CYRIB: variants seen among roughly 807,000 people sequenced by gnomAD.
The protein encoded by CYRIB is CYFIP-related Rac1 interactor B.
Under a neutral mutation model 44.2 loss-of-function variants are expected in CYRIB, and 8 were observed. That is an observed-to-expected ratio of 0.18 (90% CI 0.11 to 0.33). The LOEUF (loss-of-function observed/expected upper bound fraction) is 0.33. Among genes scored for constraint, CYRIB ranks in the 10% least tolerant of loss-of-function variants. The pLI, the probability that CYRIB is intolerant of heterozygous loss-of-function variation, is 1.00. For synonymous variants in CYRIB, 131 were observed against 127.2 expected (o/e 1.03, Z -0.20); for missense variants, 185 against 382.8 (o/e 0.48, Z 4.31).
chr8:129,846,781 T>C, intron 11 of CYRIB, 23 bp downstream of exon 13: 1 of 1,542,916 alleles, frequency 6.5e-7, no homozygotes, highest in East Asian at 2.3e-5. Context: ...TTTCTGTACA[T>C]ACGTACACGT....
chr8:129,931,684 T>C (rs1177064991), intron 1 of CYRIB, among the ~76,000 whole-genome samples: 2 of 152,174 alleles, frequency 1.3e-5, no homozygotes, highest in Non-Finnish European at 2.9e-5. Context: ...TAGAATGCAG[T>C]GGCATGATCT....
chr8:129,931,816 G>A (rs1359460019), intron 1 of CYRIB, among the ~76,000 whole-genome samples: 4 of 151,584 alleles, frequency 2.6e-5, no homozygotes, highest in East Asian at 3.9e-4. Context: ...AAGTAGAGAC[G>A]AGGTTTCACC....
chr8:129,994,395 C>T (rs886801888), intron 1 of CYRIB, among the ~76,000 whole-genome samples: 44 of 152,344 alleles, frequency 2.9e-4, no homozygotes, highest in Admixed American at 1.2e-3. Context: ...GTTGAGTCCC[C>T]AGTTTGTGAG....
Position 129,840,479 on chromosome 8 carries a change from T to A in CYRIB, c.*1663A>T, listed in dbSNP as rs551884458. The A allele has an allele frequency of 1.7e-4, 26 of 152,388 alleles. 1 individual carries two copies. Among genetic ancestry groups the A allele is most frequent in the African/African-American group, 5.8e-4 (24 of 41,576 alleles). The allele number at this position is 152,388 out of a possible 1,614,324, so 9.4% of individuals were successfully genotyped here. On this transcript the variant is annotated 3_prime_UTR_variant, in exon 12 of 12. Coordinates refer to ENST00000519824, the Ensembl canonical transcript of CYRIB. ...TTCATCTGCAAAAACTTTTTCCAAA[T>A]AATGTCACACGTGGAGATTCCCAGT...
At chr8:129,998,862 C>T (rs530996432) in intron 1 of CYRIB, among the ~76,000 whole-genome samples, 1 of 152,258 alleles carries the variant, frequency 6.6e-6, no homozygotes, top group Non-Finnish European at 1.5e-5. Context: ...GAACTCCTGA[C>T]CTCAAGTGAA....
chr8:129,908,591 T>C (rs1328741928), intron 1 of CYRIB, among the ~76,000 whole-genome samples: 1 of 152,128 alleles, frequency 6.6e-6, no homozygotes, highest in Non-Finnish European at 1.5e-5. Flanking sequence ...TTGCTGAACA[T>C]GGTCATTACC....
intron 9 of CYRIB, 163 bp downstream of exon 11, chr8:129,850,672 A>G: frequency 1.5e-6 from 1 of 652,124 alleles, no homozygotes; most frequent in Non-Finnish European, 2.7e-6. Context: ...TTAAATAGCC[A>G]AATTATTTTA....
chr8:129,880,530 G>A, intron 2 of CYRIB: 1 of 691,040 alleles, frequency 1.4e-6, no homozygotes, highest in Non-Finnish European at 1.8e-6. Flanking sequence ...ATTTGGCAAA[G>A]GCTGGCTTGC....
chr8:129,864,301 G>A (rs755553532), intron 4 of CYRIB, among the ~76,000 whole-genome samples: 19 of 152,200 alleles, frequency 1.2e-4, no homozygotes, highest in Non-Finnish European at 2.2e-4. Flanking sequence ...CTATAGTAAT[G>A]AGAACATCTC....
Position 129,881,319 on chromosome 8 carries a change from G to A in CYRIB, c.-10-1848C>T, listed in dbSNP as rs77624671. On this transcript the variant is annotated intron_variant, in intron 2 of 11. Transcript: ENST00000519824. ...TACCCACATCCTCCTCCCTCCAACT[G>A]CTGTACTTTTCCTCCAATTGCTATG... Among the ~76,000 whole-genome samples, 1,374 of 152,246 alleles carry A rather than the reference G, an allele frequency of 9.0e-3. 18 individuals are homozygous for A. Among genetic ancestry groups the A allele is most frequent in the African/African-American group, 0.032 (1,309 of 41,538 alleles).
intron 1 of CYRIB, among the ~76,000 whole-genome samples, chr8:130,007,970 AGGCCGAGGC>A: frequency 6.6e-6 from 1 of 152,286 alleles, no homozygotes; most frequent in South Asian, 2.1e-4. Context: ...GCACTTTAGG[AGGCCGAGGC>A]GGCCAGATCA....
intron 2 of CYRIB, among the ~76,000 whole-genome samples, chr8:129,882,624 T>C (rs2061196737): frequency 6.6e-6 from 1 of 152,160 alleles, no homozygotes; most frequent in Non-Finnish European, 1.5e-5. Context: ...AAGAGGGAGA[T>C]TAGGTTTCCT....
intron 1 of CYRIB, among the ~76,000 whole-genome samples, chr8:129,920,445 T>C (rs367960084): frequency 6.8e-4 from 103 of 152,268 alleles, no homozygotes; most frequent in African/African-American, 2.4e-3. Flanking sequence ...TTCATAGAGA[T>C]AATTAAGTAG....
intron 2 of CYRIB, among the ~76,000 whole-genome samples, chr8:129,956,338 A>G (rs935867247): frequency 2.0e-5 from 3 of 152,164 alleles, no homozygotes; most frequent in Non-Finnish European, 4.4e-5. Context: ...TGTCCTGAAC[A>G]TTAGAATCAT....
chr8:129,851,234 C>T (rs752374289), intron 8 of CYRIB: 16 of 254,372 alleles, frequency 6.3e-5, no homozygotes, highest in African/African-American at 9.2e-5. Flanking sequence ...CCTAAGGGTA[C>T]TAGGAAGTCA....
chr8:129,938,136 C>T (rs76839179), intron 1 of CYRIB, among the ~76,000 whole-genome samples: 1,979 of 152,116 alleles, frequency 0.013, 45 homozygotes, highest in African/African-American at 0.045. Flanking sequence ...AAAAAAAGTG[C>T]TGTCATTTCA....
At chr8:129,841,328 A>G (rs1406142417) in exon 12 of CYRIB, 2 of 152,306 alleles carry the variant, frequency 1.3e-5, no homozygotes, top group Non-Finnish European at 2.9e-5. Context: ...ATACATAGAC[A>G]ATGATCAAAA....
intron 1 of CYRIB, among the ~76,000 whole-genome samples, chr8:129,926,244 A>G (rs2087650255): frequency 6.6e-6 from 1 of 152,228 alleles, no homozygotes; most frequent in Non-Finnish European, 1.5e-5. Context: ...CTGTCCCTTT[A>G]TGCCACTTAA....
intron 1 of CYRIB, among the ~76,000 whole-genome samples, chr8:129,913,568 T>C (rs1187272022): frequency 6.6e-6 from 1 of 152,232 alleles, no homozygotes; most frequent in African/African-American, 2.4e-5. Context: ...ATATTTAATT[T>C]TTAAAAACTT....
Sources: allele counts gnomAD v4.1 joint callset (sites outside exome capture counted in the v4.1 genomes callset), GRCh38; gene constraint gnomAD v4.1.1; transcripts MANE v1.5; gene names NCBI Gene and HGNC (gene_info 2026-07-23, HGNC 2026-07-21).